AFG2A: variants seen among roughly 807,000 people sequenced by gnomAD.
The protein encoded by AFG2A is ATPase family gene 2 protein homolog A.
chr4:123,017,219 GA>G, the AFG2A span, among the ~76,000 whole-genome samples: 106 of 137,398 alleles, frequency 7.7e-4, no homozygotes, highest in Middle Eastern at 0.011. Context: ...GAGAGAGGGA[GA>G]GGGGGGAGAG....
At chr4:123,053,231 C>T in the AFG2A span, among the ~76,000 whole-genome samples, 1 of 152,240 alleles carries the variant, frequency 6.6e-6, no homozygotes, top group Admixed American at 6.5e-5. Context: ...CAGAGACTCT[C>T]TGAGCCCAGG....
chr4:123,042,176 T>C, the AFG2A span, among the ~76,000 whole-genome samples: 21 of 152,332 alleles, frequency 1.4e-4, no homozygotes, highest in Non-Finnish European at 2.6e-4. Flanking sequence ...TATAACAAAA[T>C]ACCATAGACT....
chr4:122,939,071 C>CTCTCTT, the AFG2A span, among the ~76,000 whole-genome samples: 9 of 76,210 alleles, frequency 1.2e-4, 3 homozygotes, highest in African/African-American at 1.6e-4. Context: ...GGGATATGTT[C>CTCTCTT]TTTCTTTTTT....
chr4:123,060,086 G>C, the AFG2A span, among the ~76,000 whole-genome samples: 1 of 152,278 alleles, frequency 6.6e-6, no homozygotes, highest in East Asian at 1.9e-4. Context: ...AGGTCACACT[G>C]ATGCAAGAGA....
At chr4:123,256,314 A>G in the AFG2A span, 6 of 973,442 alleles carry the variant, frequency 6.2e-6, no homozygotes, top group Middle Eastern at 2.8e-4. Context: ...AGTGCAGTAC[A>G]TGACATAGTC....
chr4:122,981,463 C>CTTTTTTTTTTTTTTTTTTTTTTT, the AFG2A span, among the ~76,000 whole-genome samples: 2 of 118,998 alleles, frequency 1.7e-5, no homozygotes, highest in Non-Finnish European at 3.6e-5. Flanking sequence ...ATGCCTACAG[C>CTTTTTTTTTTTTTTTTTTTTTTT]TTTTTTTTTT....
the AFG2A span, among the ~76,000 whole-genome samples, chr4:123,115,389 C>T: frequency 2.0e-5 from 3 of 152,080 alleles, no homozygotes; most frequent in East Asian, 3.9e-4. Flanking sequence ...AACTTGGAGC[C>T]GCCAGCAGGG....
chr4:122,961,413 A>AT, the AFG2A span, among the ~76,000 whole-genome samples: 1 of 152,212 alleles, frequency 6.6e-6, no homozygotes, highest in Non-Finnish European at 1.5e-5. Flanking sequence ...TAAAGTAGTG[A>AT]TTTTCACTGA....
At chr4:123,022,103 T>A in the AFG2A span, among the ~76,000 whole-genome samples, 2 of 151,806 alleles carry the variant, frequency 1.3e-5, no homozygotes, top group African/African-American at 4.8e-5. Flanking sequence ...AACCTAGGCA[T>A]TACCATTCAG....
the AFG2A span, among the ~76,000 whole-genome samples, chr4:123,136,030 G>A: frequency 3.3e-5 from 5 of 151,990 alleles, no homozygotes; most frequent in Non-Finnish European, 7.4e-5. Context: ...TAGTAAACAA[G>A]GAAGTAAAAG....
the AFG2A span, among the ~76,000 whole-genome samples, chr4:123,312,850 A>G: frequency 5.3e-5 from 8 of 152,178 alleles, no homozygotes; most frequent in Non-Finnish European, 1.0e-4. Flanking sequence ...ATCCCCTAAA[A>G]AGCTACTAAA....
chr4:123,146,127 C>T, the AFG2A span, among the ~76,000 whole-genome samples: 25 of 152,094 alleles, frequency 1.6e-4, no homozygotes, highest in Admixed American at 1.6e-3. Context: ...AACTTTGAAC[C>T]TAAGATTTTA....
At chr4:123,217,982 A>T in the AFG2A span, among the ~76,000 whole-genome samples, 1 of 152,162 alleles carries the variant, frequency 6.6e-6, no homozygotes, top group Non-Finnish European at 1.5e-5. Flanking sequence ...GGATAGTAAA[A>T]TTTGAAGTCT....
At chr4:122,999,643 G>A in the AFG2A span, among the ~76,000 whole-genome samples, 1 of 151,954 alleles carries the variant, frequency 6.6e-6, no homozygotes. Flanking sequence ...ATTTCTGAGG[G>A]CTCTGTTCTG....
the AFG2A span, chr4:122,934,161 G>A: frequency 3.1e-6 from 5 of 1,614,168 alleles, no homozygotes; most frequent in Non-Finnish European, 4.2e-6. Flanking sequence ...CGTACAAGCT[G>A]CAAGTATTGC....
the AFG2A span, among the ~76,000 whole-genome samples, chr4:123,071,480 C>A: frequency 1.5e-5 from 1 of 68,892 alleles, no homozygotes; most frequent in African/African-American, 3.9e-5. Context: ...AACTCCGTCC[C>A]CCTCCAAAAA....
chr4:123,207,411 G>A, the AFG2A span, among the ~76,000 whole-genome samples: 14 of 151,258 alleles, frequency 9.3e-5, no homozygotes, highest in Admixed American at 7.3e-4. Flanking sequence ...CCACCTGGAC[G>A]CAAGCCATCC....
At chr4:123,187,997 CA>C in the AFG2A span, among the ~76,000 whole-genome samples, 79,879 of 133,670 alleles carry the variant, frequency 0.6, 23,378 homozygotes, top group Non-Finnish European at 0.68. Context: ...GGCCCTATCT[CA>C]AAAAAAAAAA....
At chr4:123,216,943 A>G in the AFG2A span, among the ~76,000 whole-genome samples, 4 of 152,186 alleles carry the variant, frequency 2.6e-5, no homozygotes, top group Non-Finnish European at 5.9e-5. Flanking sequence ...ATGCTGGGAT[A>G]CAGGTATGAG....
Sources: gnomAD v4.1 joint callset for allele counts (sites outside exome capture counted in the v4.1 genomes callset) on GRCh38, gnomAD v4.1.1 for gene constraint, MANE v1.5 for transcripts, NCBI Gene and HGNC (gene_info 2026-07-23, HGNC 2026-07-21) for gene names.